Variants in HS3ST4 observed in about 807,000 individuals in gnomAD.
HS3ST4 encodes the protein heparan sulfate-glucosamine 3-sulfotransferase 4, also known as heparan sulfate glucosamine 3-O-sulfotransferase 4.
Under a neutral mutation model 29.2 loss-of-function variants are expected in HS3ST4, and 17 were observed. The ratio of observed to expected loss-of-function variants is 0.58; its 90% CI spans 0.40 to 0.87. The LOEUF is 0.87. Ranked by LOEUF, HS3ST4 falls within the 40% of genes least tolerant of loss-of-function variation. The pLI, the probability that HS3ST4 is intolerant of heterozygous loss-of-function variation, is 0.00. For synonymous variants in HS3ST4, 314 were observed against 285.7 expected (o/e 1.10, Z -1.00); for missense variants, 627 against 634.5 (o/e 0.99, Z 0.13).
At chr16:25,826,918 T>C (rs1342843193) in intron 1 of HS3ST4, among the ~76,000 whole-genome samples, 1 of 152,132 alleles carries the variant, frequency 6.6e-6, no homozygotes, top group African/African-American at 2.4e-5. Flanking sequence ...CAGTATTACC[T>C]CCAACCTCAG....
intron 1 of HS3ST4, among the ~76,000 whole-genome samples, chr16:26,068,156 TG>T (rs1409972824): frequency 5.3e-5 from 8 of 152,358 alleles, no homozygotes; most frequent in Non-Finnish European, 1.2e-4. Context: ...TCAACATGTA[TG>T]CCAAAGGTGT....
chr16:25,993,005 G>T (rs1464620038), intron 1 of HS3ST4, among the ~76,000 whole-genome samples: 3 of 152,156 alleles, frequency 2.0e-5, no homozygotes, highest in African/African-American at 2.4e-5. Flanking sequence ...CTTCATAGTG[G>T]ACTGCCACCA....
At chr16:25,901,675 G>A (rs78181674) in intron 1 of HS3ST4, among the ~76,000 whole-genome samples, 1,756 of 109,728 alleles carry the variant, frequency 0.016, 29 homozygotes, top group African/African-American at 0.053. Context: ...CTCTGTGTCA[G>A]AAGAAAAAAA....
rs116358400 is a variant in HS3ST4, at chr16:25,973,744, G to A, written c.735-161868G>A. ...CCCACACAAATGCTGCTATTAATTCGGGACTTTTAAAGAACTTAACAGTTT... is the reference window on the plus strand; with the variant it reads ...CCCACACAAATGCTGCTATTAATTCAGGACTTTTAAAGAACTTAACAGTTT... On this transcript the variant is annotated intron_variant, in intron 1 of 1. Transcript: ENST00000331351. 7.5e-3 allele frequency among the ~76,000 whole-genome samples: 1,138 copies of A among 152,170 alleles called. 17 individuals carry two copies. Among genetic ancestry groups the A allele is most frequent in the African/African-American group, 0.026 (1,098 of 41,502 alleles).
intron 1 of HS3ST4, among the ~76,000 whole-genome samples, chr16:26,131,239 C>CTCTG (rs1899414899): frequency 6.6e-6 from 1 of 152,196 alleles, no homozygotes; most frequent in Admixed American, 6.5e-5. Flanking sequence ...TTCCTTCTAT[C>CTCTG]TCTGCCACAC....
intron 1 of HS3ST4, among the ~76,000 whole-genome samples, chr16:25,904,512 A>G (rs1192440785): frequency 1.3e-5 from 2 of 152,204 alleles, no homozygotes; most frequent in African/African-American, 4.8e-5. Context: ...TAGTTTTTAT[A>G]CATTAGCACT....
At chr16:25,699,518 G>A (rs559207614) in intron 1 of HS3ST4, among the ~76,000 whole-genome samples, 14 of 152,284 alleles carry the variant, frequency 9.2e-5, no homozygotes, top group South Asian at 8.3e-4. Context: ...ACGCTCAGTC[G>A]TATTAAGATC....
rs529206996 is a variant in HS3ST4 at position 25,804,351 on chromosome 16, T to A, written c.734+111200T>A. Among the ~76,000 whole-genome samples, 41 of 152,322 alleles carry A rather than the reference T, an allele frequency of 2.7e-4. 2 individuals carry two copies. Among genetic ancestry groups the A allele is most frequent in the Non-Finnish European group, 8.8e-5 (6 of 68,024 alleles). On this transcript the variant is annotated intron_variant, in intron 1 of 1. Coordinates refer to ENST00000331351, the MANE Select transcript of HS3ST4 (RefSeq NM_006040.3). Reference sequence around the variant, plus strand: ...AAATTTGTTTTGCTCAACGAGGTGATGAAATTTCCCGTATTGTCAATTCAG... The same window carrying A: ...AAATTTGTTTTGCTCAACGAGGTGAAGAAATTTCCCGTATTGTCAATTCAG...
At chr16:25,967,446 G>T (rs564065433) in intron 1 of HS3ST4, among the ~76,000 whole-genome samples, 2 of 152,126 alleles carry the variant, frequency 1.3e-5, no homozygotes, top group South Asian at 2.1e-4. Flanking sequence ...GAGCCACCGC[G>T]CCTGGCCTAA....
At chr16:26,102,215 A>C (rs975429155) in intron 1 of HS3ST4, among the ~76,000 whole-genome samples, 1 of 152,016 alleles carries the variant, frequency 6.6e-6, no homozygotes, top group Non-Finnish European at 1.5e-5. Flanking sequence ...TCATCCAAAA[A>C]TCCAGTCTCT....
At chr16:26,032,947 T>G in intron 1 of HS3ST4, 1 of 723,338 alleles carries the variant, frequency 1.4e-6, no homozygotes, top group Admixed American at 2.1e-5. Flanking sequence ...CTGATTTAGA[T>G]TCAGGCCCAA....
intron 1 of HS3ST4, among the ~76,000 whole-genome samples, chr16:25,919,823 A>G (rs1412379110): frequency 3.3e-5 from 5 of 152,344 alleles, no homozygotes; most frequent in Admixed American, 3.3e-4. Context: ...AAATAATGCT[A>G]GAGGAGTGAT....
intron 1 of HS3ST4, among the ~76,000 whole-genome samples, chr16:26,096,487 C>G (rs1205409307): frequency 6.6e-6 from 1 of 152,138 alleles, no homozygotes; most frequent in Non-Finnish European, 1.5e-5. Flanking sequence ...GAACCAATGA[C>G]AAAAACCACA....
chr16:26,089,570 T>A (rs549994691), intron 1 of HS3ST4, among the ~76,000 whole-genome samples: 2 of 152,186 alleles, frequency 1.3e-5, no homozygotes, highest in South Asian at 4.2e-4. Context: ...GCTGAGAGCT[T>A]TCTTCATGCC....
chr16:25,963,153 TC>T (rs1342344779), intron 1 of HS3ST4, among the ~76,000 whole-genome samples: 5 of 152,178 alleles, frequency 3.3e-5, no homozygotes, highest in Admixed American at 3.3e-4. Flanking sequence ...ATTGACATCA[TC>T]CCCGTATCCC....
intron 1 of HS3ST4, among the ~76,000 whole-genome samples, chr16:26,010,402 C>T (rs112132304): frequency 0.1 from 15,440 of 150,788 alleles, 1,203 homozygotes; most frequent in South Asian, 0.26. Context: ...TACGGTGAGC[C>T]GAGATCACGC....
At chr16:25,857,083 G>C (rs1359250739) in intron 1 of HS3ST4, among the ~76,000 whole-genome samples, 1 of 152,192 alleles carries the variant, frequency 6.6e-6, no homozygotes, top group African/African-American at 2.4e-5. Context: ...ACACCCAGTT[G>C]ATGTCAGAGA....
chr16:25,802,085 A>G (rs1323440225), intron 1 of HS3ST4, among the ~76,000 whole-genome samples: 1 of 151,512 alleles, frequency 6.6e-6, no homozygotes, highest in African/African-American at 2.4e-5. Context: ...ATGTGAAGGG[A>G]CAGACAGCAA....
chr16:25,741,496 ATTCAAT>A (rs1164822794), intron 1 of HS3ST4, among the ~76,000 whole-genome samples: 1 of 151,888 alleles, frequency 6.6e-6, no homozygotes, highest in Non-Finnish European at 1.5e-5. Flanking sequence ...TGAACTTCAG[ATTCAAT>A]TCATTTGCTT....
Sources: allele counts gnomAD v4.1 joint callset (sites outside exome capture counted in the v4.1 genomes callset), GRCh38; gene constraint gnomAD v4.1.1; transcripts MANE v1.5; gene names NCBI Gene and HGNC (gene_info 2026-07-23, HGNC 2026-07-21).